Variants in NXN observed in about 807,000 individuals in gnomAD.
NXN encodes nucleoredoxin, also known as nucleoredoxin 1.
In NXN, 16 loss-of-function variants were observed where a neutral mutation model predicts 48.6. That is an observed-to-expected ratio of 0.33 (90% CI 0.22 to 0.50). The LOEUF (loss-of-function observed/expected upper bound fraction) is 0.50, where lower values mean the gene tolerates loss of function less well. Among genes scored for constraint, NXN ranks in the 20% least tolerant of loss-of-function variants. NXN has a pLI of 0.98. For synonymous variants in NXN, 281 were observed against 269.6 expected (o/e 1.04, Z -0.41); for missense variants, 492 against 605.5 (o/e 0.81, Z 1.97).
chr17:939,278 A>G (rs34603537), intron 1 of NXN, among the ~76,000 whole-genome samples: 38,360 of 151,618 alleles, frequency 0.25, 5,173 homozygotes, highest in African/African-American at 0.3. Flanking sequence ...AAACTATTAA[A>G]TATGGTACAT....
intron 1 of NXN, chr17:842,508 T>A: frequency 6.1e-6 from 6 of 985,266 alleles, no homozygotes; most frequent in Non-Finnish European, 7.2e-6. Context: ...CGGGGCCGCG[T>A]CTCACATGCA....
intron 1 of NXN, among the ~76,000 whole-genome samples, chr17:918,756 G>A (rs1193223635): frequency 3.4e-5 from 4 of 118,002 alleles, no homozygotes; most frequent in African/African-American, 6.5e-5. Flanking sequence ...TCGCGCCACC[G>A]CACTCCAGCC....
intron 1 of NXN, among the ~76,000 whole-genome samples, chr17:859,641 T>C (rs1193333231): frequency 6.6e-6 from 1 of 152,226 alleles, no homozygotes; most frequent in Non-Finnish European, 1.5e-5. Context: ...TGATCTGCTC[T>C]GTCACGACCT....
In NXN at chr17:800,514, T is replaced by G; in HGVS notation, c.*435A>C. 6.5e-6 allele frequency: 1 copy of G among 154,442 alleles called. No individual in the cohort carries two copies. The highest frequency in any genetic ancestry group is 1.9e-4 in the East Asian group (1 of 5,250). 9.6% of individuals were successfully genotyped at this position (154,442 alleles called of 1,614,324 possible). The stretch of plus-strand genomic sequence containing the variant: ...ACCCGCAGCTCTAAGCGGAGGCCCT[T>G]TCTCAGCTCAGCCTCCACGCAGGTG... On this transcript the variant is annotated 3_prime_UTR_variant, in exon 8 of 8. Coordinates refer to ENST00000336868, the MANE Select transcript of NXN (RefSeq NM_022463.5).
chr17:835,600 C>A lies in NXN; in HGVS notation c.361-9522G>T, dbSNP rs191009911. ...CCAGAAACGCTTCTACAGTGACCAA[C>A]AAAACAATGAAACACATATCAAAAG... is the stretch of plus-strand genomic sequence containing the variant. On this transcript the variant is annotated intron_variant, in intron 1 of 7. Transcript: ENST00000336868. Among the ~76,000 whole-genome samples the A allele has an allele frequency of 2.8e-3, 422 of 152,216 alleles. 2 individuals are homozygous for A. The highest frequency in any genetic ancestry group is 9.8e-3 in the African/African-American group (406 of 41,520).
chr17:886,499 C>T lies in NXN; in HGVS notation c.361-60421G>A, dbSNP rs1003582388. 1.6e-4 allele frequency among the ~76,000 whole-genome samples: 25 copies of T among 152,256 alleles called. No individual in the cohort carries two copies. In the East Asian group the frequency reaches 3.9e-3, roughly 24 times the overall value. On this transcript the variant is annotated intron_variant, in intron 1 of 7. Transcript: ENST00000336868. Reference sequence around the variant, plus strand: ...CTCCACGGGAACCAACACCGTTGGCCGGCGCGGTGGCTCACGCCAGGAATC... The same window carrying T: ...CTCCACGGGAACCAACACCGTTGGCTGGCGCGGTGGCTCACGCCAGGAATC...
intron 1 of NXN, among the ~76,000 whole-genome samples, chr17:862,161 G>A (rs1210194853): frequency 6.6e-6 from 1 of 152,108 alleles, no homozygotes; most frequent in Non-Finnish European, 1.5e-5. Context: ...GGAATGTGAG[G>A]TAATAAATGT....
At chr17:935,284 G>A (rs531229644) in intron 1 of NXN, among the ~76,000 whole-genome samples, 3 of 152,122 alleles carry the variant, frequency 2.0e-5, no homozygotes, top group Admixed American at 6.5e-5. Context: ...GTGAGCCACC[G>A]CGCCCGGCCT....
chr17:947,809 G>A (rs1388997511), intron 1 of NXN, among the ~76,000 whole-genome samples: 2 of 148,216 alleles, frequency 1.3e-5, no homozygotes, highest in African/African-American at 5.0e-5. Flanking sequence ...AGGCCGAGGC[G>A]AGCTGACTGT....
chr17:909,228 G>A (rs946172307), intron 1 of NXN, among the ~76,000 whole-genome samples: 3 of 151,796 alleles, frequency 2.0e-5, no homozygotes, highest in Non-Finnish European at 2.9e-5. Flanking sequence ...AAACATCTTG[G>A]GTTTTGTTTT....
rs1399772641 is a variant in NXN at position 879,184 on chromosome 17, A to G, written c.361-53106T>C. Among the ~76,000 whole-genome samples the G allele has an allele frequency of 2.0e-5, 3 of 152,166 alleles. No homozygotes were observed. The East Asian group carries it at 5.8e-4, about 29-fold the overall frequency. On this transcript the variant is annotated intron_variant, in intron 1 of 7. Transcript: ENST00000336868. ...CTGTCTCAAAAAAAACAACAAGTAGACAGAGAGGGAAGGAGAAGGAGAGAA... is the reference window on the plus strand; with the variant it reads ...CTGTCTCAAAAAAAACAACAAGTAGGCAGAGAGGGAAGGAGAAGGAGAGAA...
At chr17:911,860 TCTCC>T (rs1044303740) in intron 1 of NXN, among the ~76,000 whole-genome samples, 8 of 151,862 alleles carry the variant, frequency 5.3e-5, no homozygotes, top group African/African-American at 1.9e-4. Context: ...CGTGAGTCTT[TCTCC>T]CTCCCCAGAT....
chr17:951,472 G>C (rs1188471108), intron 1 of NXN, among the ~76,000 whole-genome samples: 4 of 150,524 alleles, frequency 2.7e-5, no homozygotes, highest in African/African-American at 9.8e-5. Flanking sequence ...TGATCTCTCT[G>C]TTGAGATGCT....
intron 1 of NXN, among the ~76,000 whole-genome samples, chr17:892,020 C>T (rs560571931): frequency 2.4e-4 from 36 of 149,970 alleles, no homozygotes; most frequent in Non-Finnish European, 4.7e-4. Context: ...GGAACCTAAA[C>T]TAACCCCACC....
intron 6 of NXN, among the ~76,000 whole-genome samples, chr17:804,274 CTTTTTTTTTTTT>C (rs11325268): frequency 3.4e-5 from 3 of 88,932 alleles, no homozygotes; most frequent in African/African-American, 5.3e-5. Context: ...TGGTCAGCGG[CTTTTTTTTTTTT>C]TTTTTTTTTT....
chr17:818,646 G>C lies in NXN; in HGVS notation c.820+793C>G, dbSNP rs181800901. 4.0e-4 allele frequency among the ~76,000 whole-genome samples: 61 copies of C among 152,294 alleles called. 2 individuals are homozygous for C. Among genetic ancestry groups the C allele is most frequent in the South Asian group, 2.7e-3 (13 of 4,822 alleles). On this transcript the variant is annotated intron_variant, in intron 5 of 7. Coordinates refer to ENST00000336868, the MANE Select transcript of NXN (RefSeq NM_022463.5). ...CACGCCTGTCATCCCAGCACTTTGG[G>C]AGGTCGAGGCGGGCAGATCACGAGG...
At chr17:959,340 G>C (rs773002326) in intron 1 of NXN, 2 of 244,884 alleles carry the variant, frequency 8.2e-6, no homozygotes, top group Non-Finnish European at 1.6e-5. Context: ...ACTCCAAGGA[G>C]GGCTGGGAGT....
chr17:907,427 CCTCCCGAGTTCAAGTGATT>C (rs1402343920), intron 1 of NXN, among the ~76,000 whole-genome samples: 2 of 151,698 alleles, frequency 1.3e-5, no homozygotes, highest in Non-Finnish European at 2.9e-5. Context: ...GCAAGCTCCG[CCTCCCGAGTTCAAGTGATT>C]CTCCTGCCTC....
intron 1 of NXN, among the ~76,000 whole-genome samples, chr17:872,610 GATCTT>G (rs1567842843): frequency 6.1e-5 from 8 of 131,028 alleles, no homozygotes; most frequent in Non-Finnish European, 1.3e-4. Flanking sequence ...TTCCGGGTGA[GATCTT>G]TTTTTTTTTT....
Sources: allele counts gnomAD v4.1 joint callset (sites outside exome capture counted in the v4.1 genomes callset), GRCh38; gene constraint gnomAD v4.1.1; transcripts MANE v1.5; gene names NCBI Gene and HGNC (gene_info 2026-07-23, HGNC 2026-07-21).